Variants in MTMR7 observed in about 807,000 individuals in gnomAD.
MTMR7 encodes phosphatidylinositol-3-phosphate phosphatase MTMR7.
MTMR7 carries 76 observed loss-of-function variants against 81.2 expected under a neutral mutation model. The observed-to-expected ratio is 0.94, with a 90% CI of 0.78 to 1.13. The LOEUF (loss-of-function observed/expected upper bound fraction) is 1.13, where lower values mean the gene tolerates loss of function less well. MTMR7 is among the 50% of genes most tolerant of loss of function. The probability of loss-of-function intolerance (pLI) is 0.00; values close to 1 mark genes in which losing one functional copy is unlikely to be tolerated. For synonymous variants in MTMR7, 372 were observed against 289.8 expected, an observed-to-expected ratio of 1.28 and a Z score of -2.88; for missense variants, 1,044 against 820.0, an observed-to-expected ratio of 1.27 and a Z score of -3.34.
intron 3 of MTMR7, among the ~76,000 whole-genome samples, chr8:17,364,453 G>C (rs1466118396): frequency 1.3e-5 from 2 of 152,094 alleles, no homozygotes; most frequent in Non-Finnish European, 2.9e-5. Flanking sequence ...TTTACTCTTA[G>C]CGTTTCGAAA....
intron 1 of MTMR7, among the ~76,000 whole-genome samples, chr8:17,395,816 T>C (rs1020400061): frequency 5.3e-5 from 8 of 152,196 alleles, no homozygotes; most frequent in Non-Finnish European, 1.5e-5. Context: ...ACAAGTATAT[T>C]TGTTTGCTTT....
intron 1 of MTMR7, among the ~76,000 whole-genome samples, chr8:17,383,643 G>A (rs968288690): frequency 7.9e-5 from 12 of 152,224 alleles, no homozygotes; most frequent in Middle Eastern, 3.2e-3. Flanking sequence ...CAGTTAGAGA[G>A]GAATATGTTT....
chr8:17,324,687 T>A (rs1043853571), intron 7 of MTMR7, among the ~76,000 whole-genome samples: 5 of 152,242 alleles, frequency 3.3e-5, no homozygotes, highest in African/African-American at 1.2e-4. Context: ...AGAACACTTG[T>A]TAATAGGCCA....
chr8:17,344,499 T>C (rs1472634359), intron 5 of MTMR7, among the ~76,000 whole-genome samples: 2 of 152,090 alleles, frequency 1.3e-5, no homozygotes, highest in African/African-American at 4.8e-5. Context: ...TAATCCCAGC[T>C]GCTTGGGAGG....
intron 6 of MTMR7, among the ~76,000 whole-genome samples, chr8:17,337,972 G>A (rs552146874): frequency 2.0e-5 from 3 of 152,258 alleles, no homozygotes; most frequent in South Asian, 4.1e-4. Context: ...TCTTTTTAAT[G>A]AAACCTGTGA....
intron 4 of MTMR7, among the ~76,000 whole-genome samples, chr8:17,354,242 A>G (rs1056557625): frequency 1.3e-5 from 2 of 152,234 alleles, no homozygotes; most frequent in African/African-American, 4.8e-5. Flanking sequence ...TATGAACAGG[A>G]TAAAATGACA....
intron 1 of MTMR7, among the ~76,000 whole-genome samples, chr8:17,408,593 G>T (rs1395354755): frequency 2.6e-5 from 4 of 152,080 alleles, no homozygotes; most frequent in Non-Finnish European, 4.4e-5. Flanking sequence ...AGTGGCTTAA[G>T]AAGTCACTTC....
At chr8:17,392,412 T>C (rs1317309971) in intron 1 of MTMR7, among the ~76,000 whole-genome samples, 3 of 152,190 alleles carry the variant, frequency 2.0e-5, no homozygotes, top group Admixed American at 6.5e-5. Flanking sequence ...ATATAAATGT[T>C]TCAAGGTGTA....
At chr8:17,357,679 A>G (rs1261558938) in intron 4 of MTMR7, among the ~76,000 whole-genome samples, 5 of 152,202 alleles carry the variant, frequency 3.3e-5, no homozygotes, top group African/African-American at 9.6e-5. Context: ...AGGCCTTCCT[A>G]TATTTAGAAA....
chr8:17,328,418 T>G (rs1262418972), intron 7 of MTMR7, among the ~76,000 whole-genome samples: 1 of 152,174 alleles, frequency 6.6e-6, no homozygotes, highest in Non-Finnish European at 1.5e-5. Context: ...ACGGACTGTT[T>G]TAATGGATGG....
intron 1 of MTMR7, among the ~76,000 whole-genome samples, chr8:17,405,703 C>T (rs567795164): frequency 6.6e-6 from 1 of 151,966 alleles, no homozygotes; most frequent in East Asian, 1.9e-4. Flanking sequence ...TGCCTCCAGA[C>T]ACTAAATAAT....
chr8:17,385,497 C>G (rs570800428), intron 1 of MTMR7, among the ~76,000 whole-genome samples: 1 of 152,290 alleles, frequency 6.6e-6, no homozygotes, highest in East Asian at 1.9e-4. Context: ...TCTTGCCCAC[C>G]ACCACGTAAG....
intron 1 of MTMR7, among the ~76,000 whole-genome samples, chr8:17,389,084 C>T (rs1323745280): frequency 6.6e-6 from 1 of 152,122 alleles, no homozygotes; most frequent in East Asian, 1.9e-4. Context: ...CTGAGGTCAC[C>T]AAGAACAGTA....
chr8:17,348,609 T>G (rs776564140), intron 5 of MTMR7, among the ~76,000 whole-genome samples: 27 of 151,180 alleles, frequency 1.8e-4, no homozygotes, highest in Non-Finnish European at 2.8e-4. Context: ...TTCGGGGGCT[T>G]TTCTAAAATA....
chr8:17,372,629 G>A (rs933462986), intron 2 of MTMR7, among the ~76,000 whole-genome samples: 3 of 151,926 alleles, frequency 2.0e-5, no homozygotes, highest in Non-Finnish European at 4.4e-5. Flanking sequence ...ATTTAGTGAT[G>A]TTCAAATATC....
chr8:17,396,406 C>G (rs577850150), intron 1 of MTMR7, among the ~76,000 whole-genome samples: 12 of 152,156 alleles, frequency 7.9e-5, no homozygotes, highest in Non-Finnish European at 1.6e-4. Context: ...GATTCTTTCT[C>G]CTACGTGGAA....
intron 1 of MTMR7, among the ~76,000 whole-genome samples, chr8:17,400,802 T>C (rs1046087506): frequency 3.3e-5 from 5 of 152,154 alleles, no homozygotes; most frequent in African/African-American, 1.2e-4. Flanking sequence ...CACTTAAAAG[T>C]GTAGATGTGG....
rs1586121241 is a variant in MTMR7 at position 17,299,714 on chromosome 8, C to G, written c.*148G>C. 2.5e-5 allele frequency: 26 copies of G among 1,058,010 alleles called. No individual in the cohort carries two copies. In the South Asian group the frequency reaches 3.7e-4, roughly 15 times the overall value. 65.5% of individuals were successfully genotyped at this position (1,058,010 alleles called of 1,614,324 possible). On this transcript the variant is annotated 3_prime_UTR_variant, in exon 14 of 14. Transcript: ENST00000180173. ...TCTTCAGTATCTAAGAAATCAAGAA[C>G]TGGGCACTTTTTTCCCTTTTCATAG...
At chr8:17,381,406 T>C (rs185540846) in intron 1 of MTMR7, among the ~76,000 whole-genome samples, 1 of 152,030 alleles carries the variant, frequency 6.6e-6, no homozygotes, top group Non-Finnish European at 1.5e-5. Flanking sequence ...TCTTCAGTGA[T>C]CCTCTATTGT....
Sources: gnomAD v4.1 joint callset for allele counts (sites outside exome capture counted in the v4.1 genomes callset) on GRCh38, gnomAD v4.1.1 for gene constraint, MANE v1.5 for transcripts, NCBI Gene and HGNC (gene_info 2026-07-23, HGNC 2026-07-21) for gene names.